TNFRSF13B: variants seen among roughly 807,000 people sequenced by gnomAD.
The protein encoded by TNFRSF13B is TNF receptor superfamily member 13B, also known as tumor necrosis factor receptor superfamily member 13B.
TNFRSF13B carries 34 observed loss-of-function variants against 24.0 expected under a neutral mutation model. The ratio of observed to expected loss-of-function variants is 1.41; its 90% CI spans 1.08 to 1.88. TNFRSF13B has a LOEUF of 1.88. TNFRSF13B is among the 40% of genes most tolerant of loss of function. TNFRSF13B has a pLI of 0.00. For synonymous variants in TNFRSF13B, 173 were observed against 150.3 expected, an observed-to-expected ratio of 1.15 and a Z score of -1.10; for missense variants, 415 against 380.8, an observed-to-expected ratio of 1.09 and a Z score of -0.75.
chr17:16,958,837 G>A (rs2087642559), intron 1 of TNFRSF13B, among the ~76,000 whole-genome samples: 1 of 151,984 alleles, frequency 6.6e-6, no homozygotes. Context: ...CAGAGTTGAA[G>A]GGAGTAATAG....
At chr17:16,941,966 A>T (rs1365072288) in intron 3 of TNFRSF13B, among the ~76,000 whole-genome samples, 1 of 152,158 alleles carries the variant, frequency 6.6e-6, no homozygotes, top group Non-Finnish European at 1.5e-5. Flanking sequence ...TTTAGGCGGA[A>T]TGGACAGACC....
chr17:16,971,505 A>T (rs958658064), intron 1 of TNFRSF13B, among the ~76,000 whole-genome samples: 2 of 152,204 alleles, frequency 1.3e-5, no homozygotes, highest in Non-Finnish European at 2.9e-5. Context: ...TGAACAAGTC[A>T]ACTGAGAAAG....
At chr17:16,951,641 C>T (rs2087589297) in intron 2 of TNFRSF13B, among the ~76,000 whole-genome samples, 1 of 152,194 alleles carries the variant, frequency 6.6e-6, no homozygotes, top group African/African-American at 2.4e-5. Context: ...GTAATCCCAG[C>T]ACTTTGGGAG....
chr17:16,967,629 G>C (rs1213647675), intron 1 of TNFRSF13B, among the ~76,000 whole-genome samples: 1 of 151,290 alleles, frequency 6.6e-6, no homozygotes, highest in Non-Finnish European at 1.5e-5. Context: ...GTGGGTGCCT[G>C]TAGTCCCAGC....
intron 1 of TNFRSF13B, among the ~76,000 whole-genome samples, chr17:16,963,651 G>A (rs559210351): frequency 3.9e-5 from 6 of 152,290 alleles, no homozygotes; most frequent in East Asian, 1.9e-4. Flanking sequence ...CTGGGTTCAC[G>A]TCATTCTCCT....
At chr17:16,955,032 A>G (rs2087615211) in intron 1 of TNFRSF13B, among the ~76,000 whole-genome samples, 3 of 152,164 alleles carry the variant, frequency 2.0e-5, no homozygotes, top group Admixed American at 2.0e-4. Context: ...GCTCTGGGAA[A>G]ACAGACCCAA....
chr17:16,958,892 A>G (rs927416815), intron 1 of TNFRSF13B, among the ~76,000 whole-genome samples: 11 of 152,064 alleles, frequency 7.2e-5, no homozygotes, highest in African/African-American at 2.7e-4. Flanking sequence ...CTCACTTTCA[A>G]TAATAAGACA....
intron 1 of TNFRSF13B, among the ~76,000 whole-genome samples, chr17:16,969,453 A>G (rs1409363471): frequency 1.3e-5 from 2 of 152,258 alleles, no homozygotes; most frequent in Non-Finnish European, 2.9e-5. Context: ...AGCTAGTCAC[A>G]ATACATCACA....
chr17:16,946,131 C>T (rs2087545971), intron 3 of TNFRSF13B, among the ~76,000 whole-genome samples: 1 of 152,230 alleles, frequency 6.6e-6, no homozygotes, highest in African/African-American at 2.4e-5. Context: ...CAGCAGCTAA[C>T]TGACAGGAGA....
chr17:16,959,235 G>A lies in TNFRSF13B; in HGVS notation c.62-6652C>T, dbSNP rs1273802278. ...CACGCTCTTCAACAACAAATTGGTC[G>A]AAGAAGAAATGACAGGGGAAATTAT... On this transcript the variant is annotated intron_variant, in intron 1 of 4. Transcript: ENST00000261652. 3.3e-5 allele frequency among the ~76,000 whole-genome samples: 5 copies of A among 151,818 alleles called. No homozygotes were observed. The East Asian group carries it at 5.8e-4, about 18-fold the overall frequency.
intron 3 of TNFRSF13B, among the ~76,000 whole-genome samples, chr17:16,947,182 T>C (rs2087555596): frequency 6.6e-6 from 1 of 152,200 alleles, no homozygotes; most frequent in Admixed American, 6.5e-5. Flanking sequence ...CACAGGCCGA[T>C]ATCCCTGAGG....
At chr17:16,945,093 G>A (rs924298678) in intron 3 of TNFRSF13B, among the ~76,000 whole-genome samples, 2 of 152,242 alleles carry the variant, frequency 1.3e-5, no homozygotes, top group Non-Finnish European at 2.9e-5. Flanking sequence ...ATAAAGGGCA[G>A]GGTAGGGCAG....
chr17:16,940,916 C>A lies in TNFRSF13B; in HGVS notation c.446-405G>T, dbSNP rs1018778828. 40 of 1,106,124 alleles carry A rather than the reference C, an allele frequency of 3.6e-5. No individual in the cohort carries two copies. The African/African-American group carries it at 5.8e-4, about 16-fold the overall frequency. The allele number at this position is 1,106,124 out of a possible 1,614,324, so 68.5% of individuals were successfully genotyped here. On this transcript the variant is annotated intron_variant, in intron 3 of 4. Transcript: ENST00000261652. ...AGCTTCCTGAGTGAGCGTTTACAGT[C>A]GTCCCTTGGTATCCATGGGGGACTG...
At chr17:16,971,418 A>T (rs957301050) in intron 1 of TNFRSF13B, among the ~76,000 whole-genome samples, 2 of 151,528 alleles carry the variant, frequency 1.3e-5, no homozygotes, top group Non-Finnish European at 2.9e-5. Flanking sequence ...ATAAATATAA[A>T]TATATAACAG....
At chr17:16,941,429 T>A (rs2087509233) in intron 3 of TNFRSF13B, 1 of 987,522 alleles carries the variant, frequency 1.0e-6, no homozygotes, top group African/African-American at 1.7e-5. Context: ...GAAGTTCTCC[T>A]TATCCCAAAA....
intron 1 of TNFRSF13B, among the ~76,000 whole-genome samples, chr17:16,968,670 C>T (rs1028144577): frequency 2.0e-5 from 3 of 152,070 alleles, no homozygotes; most frequent in Non-Finnish European, 2.9e-5. Flanking sequence ...ACCAAATGTG[C>T]GTGTGATAGA....
chr17:16,941,162 C>G, intron 3 of TNFRSF13B: 1 of 936,420 alleles, frequency 1.1e-6, no homozygotes, highest in Non-Finnish European at 1.3e-6. Context: ...AGGTTCAGTA[C>G]AGATGCAACT....
chr17:16,950,674 C>T (rs1282327957), intron 2 of TNFRSF13B, among the ~76,000 whole-genome samples: 2 of 152,022 alleles, frequency 1.3e-5, no homozygotes, highest in Non-Finnish European at 2.9e-5. Flanking sequence ...TCCCCTGTTG[C>T]AGGTGGTGCT....
Position 16,940,360 on chromosome 17 carries a change from T to TGAGC in TNFRSF13B, c.593_596dup (p.Arg200LeufsTer38). The TGAGC allele has an allele frequency of 6.2e-7, 1 of 1,613,862 alleles. No homozygotes were observed. The highest frequency in any genetic ancestry group is 1.1e-5 in the South Asian group (1 of 91,062). ...ACTTGGCCGGACTTTGACGGGGCCT[T>TGAGC]GAGCGGGGCTGGCAGGAGCAGGGAT... On this transcript the variant is annotated frameshift_variant, in exon 4 of 5. Coordinates refer to ENST00000261652, the MANE Select transcript of TNFRSF13B (RefSeq NM_012452.3). LOFTEE classifies it low-confidence loss of function (END_TRUNC).
Sources: allele counts gnomAD v4.1 joint callset (sites outside exome capture counted in the v4.1 genomes callset), GRCh38; gene constraint gnomAD v4.1.1; transcripts MANE v1.5; gene names NCBI Gene and HGNC (gene_info 2026-07-23, HGNC 2026-07-21).